Variants in AGO2 observed in about 807,000 individuals in gnomAD.
AGO2 encodes the protein protein argonaute-2.
Under a neutral mutation model 102.3 loss-of-function variants are expected in AGO2, and 5 were observed. The observed-to-expected ratio is 0.05, with a 90% CI of 0.03 to 0.10. AGO2 has a LOEUF of 0.10. Among genes scored for constraint, AGO2 ranks in the 10% least tolerant of loss-of-function variants. The pLI, the probability that AGO2 is intolerant of heterozygous loss-of-function variation, is 1.00. For synonymous variants in AGO2, 449 were observed against 473.1 expected (o/e 0.95, Z 0.66); for missense variants, 541 against 1,183.7 (o/e 0.46, Z 7.97).
Position 140,624,896 on chromosome 8 carries a change from C to G in AGO2, c.22+10589G>C, listed in dbSNP as rs144122492. 4.6e-3 allele frequency among the ~76,000 whole-genome samples: 705 copies of G among 152,328 alleles called. 3 individuals are homozygous for G. Among genetic ancestry groups the G allele is most frequent in the South Asian group, 0.016 (75 of 4,834 alleles). On this transcript the variant is annotated intron_variant, in intron 1 of 18. Coordinates refer to ENST00000220592, the MANE Select transcript of AGO2 (RefSeq NM_012154.5). Reference sequence around the variant, plus strand: ...CAGCATCAACCACAGACAGACCATGCTGGAGGCGGGGGATAGTGCATGGCA... The same window carrying G: ...CAGCATCAACCACAGACAGACCATGGTGGAGGCGGGGGATAGTGCATGGCA...
chr8:140,620,865 A>G (rs949848059), intron 1 of AGO2, among the ~76,000 whole-genome samples: 4 of 151,402 alleles, frequency 2.6e-5, no homozygotes, highest in Non-Finnish European at 4.4e-5. Context: ...CAAGAAAAAG[A>G]AAAAAAAAAT....
At chr8:140,568,166 C>T (rs1420934905) in intron 3 of AGO2, among the ~76,000 whole-genome samples, 14 of 150,976 alleles carry the variant, frequency 9.3e-5, no homozygotes, top group African/African-American at 3.2e-4. Flanking sequence ...TGCCTGTAGT[C>T]CCAGCTACTC....
intron 1 of AGO2, among the ~76,000 whole-genome samples, chr8:140,620,745 T>G (rs2152107063): frequency 6.6e-6 from 1 of 152,160 alleles, no homozygotes; most frequent in Non-Finnish European, 1.5e-5. Context: ...GGCATGCATC[T>G]GTGGGAGGCT....
At chr8:140,641,050 C>T in the AGO2 span, among the ~76,000 whole-genome samples, 2 of 152,092 alleles carry the variant, frequency 1.3e-5, no homozygotes, top group East Asian at 3.8e-4. Flanking sequence ...AATCCCAGCA[C>T]TTTGGGAGGC....
chr8:140,590,284 G>GC (rs1416878027), intron 1 of AGO2, among the ~76,000 whole-genome samples: 4 of 152,188 alleles, frequency 2.6e-5, no homozygotes, highest in Non-Finnish European at 4.4e-5. Flanking sequence ...GGGCTCTGGA[G>GC]CCCCCCAGAT....
At chr8:140,598,518 C>T (rs569230358) in intron 1 of AGO2, among the ~76,000 whole-genome samples, 81 of 152,358 alleles carry the variant, frequency 5.3e-4, no homozygotes, top group African/African-American at 1.9e-3. Context: ...TTTCCCTGTG[C>T]GTACAAGCCC....
chr8:140,586,842 G>A (rs2073667052), intron 1 of AGO2, among the ~76,000 whole-genome samples: 1 of 152,172 alleles, frequency 6.6e-6, no homozygotes. Flanking sequence ...CCGGGAATCT[G>A]GCCCTGTGGC....
Position 140,530,694 on chromosome 8 carries a change from C to G in AGO2, c.*1350G>C, listed in dbSNP as rs1417790031. The G allele has an allele frequency of 6.6e-6, 1 of 152,426 alleles. No homozygotes were observed. The highest frequency in any genetic ancestry group is 2.1e-4 in the South Asian group (1 of 4,834). The allele number at this position is 152,426 out of a possible 1,614,324, so 9.4% of individuals were successfully genotyped here. ...CTGGCCCTGCTATCCTTGGGCCTCC[C>G]AGGGCCAGGCAAGCTCCTTCGCTGT... On this transcript the variant is annotated 3_prime_UTR_variant, in exon 19 of 19. Transcript: ENST00000220592.
chr8:140,564,294 G>A (rs1308957509), intron 3 of AGO2, among the ~76,000 whole-genome samples: 1 of 151,940 alleles, frequency 6.6e-6, no homozygotes, highest in Non-Finnish European at 1.5e-5. Context: ...CGGAGGGGGT[G>A]GCGGTGGGGG....
At chr8:140,610,408 G>A (rs949859026) in intron 1 of AGO2, among the ~76,000 whole-genome samples, 3 of 152,074 alleles carry the variant, frequency 2.0e-5, no homozygotes, top group Admixed American at 2.0e-4. Context: ...CAGTAGAGAT[G>A]GGGTTTCACC....
chr8:140,552,931 G>T (rs1249143579), intron 10 of AGO2, among the ~76,000 whole-genome samples: 1 of 152,178 alleles, frequency 6.6e-6, no homozygotes, highest in African/African-American at 2.4e-5. Context: ...GTCCCCTGGG[G>T]GGCAAAATCA....
At chr8:140,565,868 C>G (rs889222117) in intron 3 of AGO2, among the ~76,000 whole-genome samples, 1 of 151,832 alleles carries the variant, frequency 6.6e-6, no homozygotes, top group African/African-American at 2.4e-5. Flanking sequence ...TGGTTTGAGT[C>G]CAGAGTTGGA....
At chr8:140,580,908 C>A (rs1258206653) in intron 2 of AGO2, among the ~76,000 whole-genome samples, 3 of 152,270 alleles carry the variant, frequency 2.0e-5, no homozygotes, top group Non-Finnish European at 2.9e-5. Flanking sequence ...TGCTTACCAA[C>A]TGCGTGACCT....
intron 11 of AGO2, among the ~76,000 whole-genome samples, chr8:140,549,536 A>G (rs2072959615): frequency 6.6e-6 from 1 of 152,280 alleles, no homozygotes; most frequent in Admixed American, 6.5e-5. Context: ...AGTGCACTCA[A>G]AAGTCACATG....
At chr8:140,590,102 A>G (rs867519494) in intron 1 of AGO2, among the ~76,000 whole-genome samples, 1 of 152,188 alleles carries the variant, frequency 6.6e-6, no homozygotes, top group South Asian at 2.1e-4. Flanking sequence ...CGGGCCACCA[A>G]TGAGCCCACG....
chr8:140,584,626 A>G (rs183387549), intron 2 of AGO2, among the ~76,000 whole-genome samples: 1 of 152,388 alleles, frequency 6.6e-6, no homozygotes, highest in East Asian at 1.9e-4. Flanking sequence ...GAAATAGGCA[A>G]TAGAGTATTT....
Position 140,556,210 on chromosome 8 carries a change from G to A in AGO2, c.1103C>T (p.Thr368Ile). 1 of 1,614,244 alleles carries A rather than the reference G, an allele frequency of 6.2e-7. No individual in the cohort carries two copies. Among genetic ancestry groups the A allele is most frequent in the Non-Finnish European group, 8.5e-7 (1 of 1,180,054 alleles). Residue 368 changes from threonine to isoleucine, a missense_variant, in exon 9 of 19, where the codon ACT (threonine) becomes ATT (isoleucine). By Grantham distance (89) the Thr-to-Ile change is moderately conservative. This residue lies in a region of AGO2 where 309 missense variants were observed against 735.1 expected (regional missense o/e 0.42). Coordinates refer to ENST00000220592, the MANE Select transcript of AGO2 (RefSeq NM_012154.5). ...TTGCCGATCGGGCGCCGACCTAGCA[G>A]TCGCTCTGATCATGGTTGAGGTCTG... ...DNQTSTMIRA[T>I]ARSAPDRQEE... is the part of the protein sequence containing the mutation.
chr8:140,551,225 T>C, intron 11 of AGO2, 78 bp downstream of exon 11: 1 of 1,387,464 alleles, frequency 7.2e-7, no homozygotes, highest in Non-Finnish European at 9.4e-7. Flanking sequence ...CCAACCAGAG[T>C]CAGCCCTGCA....
Position 140,546,722 on chromosome 8 carries a change from A to T in AGO2, c.1748+746T>A, listed in dbSNP as rs116485844. 3.6e-3 allele frequency among the ~76,000 whole-genome samples: 541 copies of T among 152,300 alleles called. 6 individuals are homozygous for T. The highest frequency in any genetic ancestry group is 0.012 in the African/African-American group (501 of 41,560). On this transcript the variant is annotated intron_variant, in intron 13 of 18. Transcript: ENST00000220592. ...CCTGCCCAAACGCACAAATAATCTG[A>T]TTCTACGTATTCTCCGTTGTTGTCG...
Sources: gnomAD v4.1 joint callset for allele counts (sites outside exome capture counted in the v4.1 genomes callset) on GRCh38, gnomAD v4.1.1 for gene constraint, gnomAD v4.1.1 regional missense constraint, MANE v1.5 for transcripts, NCBI Gene and HGNC (gene_info 2026-07-23, HGNC 2026-07-21) for gene names.